The following PRKCA variants were observed in gnomAD, a reference collection of about 807,000 sequenced individuals.
PRKCA encodes the protein protein kinase C alpha type.
PRKCA carries 27 observed loss-of-function variants against 87.0 expected under a neutral mutation model. The ratio of observed to expected loss-of-function variants is 0.31; its 90% CI spans 0.23 to 0.43. The LOEUF is 0.43. PRKCA is among the 20% of genes least tolerant of loss of function. PRKCA has a pLI of 1.00. For missense variants in PRKCA, 518 were observed against 852.3 expected (o/e 0.61, Z 4.88); for synonymous variants, 329 against 311.1 (o/e 1.06, Z -0.61).
chr17:66,458,442 G>A (rs886194963), intron 2 of PRKCA, among the ~76,000 whole-genome samples: 1 of 151,842 alleles, frequency 6.6e-6, no homozygotes, highest in African/African-American at 2.4e-5. Context: ...AGGGTGCCTT[G>A]AAGATCCTTT....
intron 3 of PRKCA, among the ~76,000 whole-genome samples, chr17:66,546,851 C>T (rs561859678): frequency 1.3e-5 from 2 of 152,260 alleles, no homozygotes; most frequent in South Asian, 2.1e-4. Context: ...TAATGTAAAT[C>T]TTTAATCAAT....
chr17:66,676,209 G>C (rs865856888), intron 5 of PRKCA, among the ~76,000 whole-genome samples: 2 of 152,174 alleles, frequency 1.3e-5, no homozygotes, highest in Non-Finnish European at 2.9e-5. Flanking sequence ...AGAACAGCGT[G>C]TTCTTCCCAG....
Position 66,804,188 on chromosome 17 carries a change from C to G in PRKCA, c.*151C>G, listed in dbSNP as rs755225462. 5.6e-6 allele frequency: 6 copies of G among 1,063,536 alleles called. No individual in the cohort carries two copies. Among genetic ancestry groups the G allele is most frequent in the Non-Finnish European group, 6.5e-6 (5 of 764,478 alleles). The allele number at this position is 1,063,536 out of a possible 1,614,324, so 65.9% of individuals were successfully genotyped here. ...GTAGGGTTATTAGTCCAAATGTGAT[C>G]AACTGTTCAGGGTCTCTCTCTTACA... On this transcript the variant is annotated 3_prime_UTR_variant, in exon 17 of 17. Coordinates refer to ENST00000413366, the MANE Select transcript of PRKCA (RefSeq NM_002737.3).
chr17:66,319,944 A>G (rs892526559), intron 2 of PRKCA, among the ~76,000 whole-genome samples: 4 of 152,106 alleles, frequency 2.6e-5, no homozygotes, highest in African/African-American at 9.7e-5. Flanking sequence ...GGGTTTCGCC[A>G]TGTTGGCCAG....
intron 2 of PRKCA, among the ~76,000 whole-genome samples, chr17:66,410,007 G>A (rs1037435210): frequency 3.9e-5 from 6 of 152,326 alleles, no homozygotes; most frequent in African/African-American, 1.2e-4. Flanking sequence ...TCACTCGTTC[G>A]TTTGTGTGTT....
At chr17:66,349,703 C>T (rs1189966900) in intron 2 of PRKCA, among the ~76,000 whole-genome samples, 1 of 152,144 alleles carries the variant, frequency 6.6e-6, no homozygotes, top group East Asian at 1.9e-4. Flanking sequence ...TGACTGCGCA[C>T]AAACACAAAA....
intron 3 of PRKCA, among the ~76,000 whole-genome samples, chr17:66,596,436 A>G (rs1598803466): frequency 6.6e-6 from 1 of 151,934 alleles, no homozygotes; most frequent in East Asian, 1.9e-4. Flanking sequence ...TCCCCATCCC[A>G]GTGACATTAC....
chr17:66,445,391 AGTCCAAGCATTGGAG>A (rs1913980723), intron 2 of PRKCA, among the ~76,000 whole-genome samples: 1 of 152,338 alleles, frequency 6.6e-6, no homozygotes, highest in East Asian at 1.9e-4. Context: ...GACACTGGAG[AGTCCAAGCATTGGAG>A]GCCAGAGGCC....
chr17:66,312,002 A>G (rs1174160273), intron 2 of PRKCA, among the ~76,000 whole-genome samples: 1 of 152,048 alleles, frequency 6.6e-6, no homozygotes, highest in Non-Finnish European at 1.5e-5. Context: ...TTTTTTTGAG[A>G]TGGAGTCTCG....
At chr17:66,406,585 G>GTTTTTTTTTT (rs71160568) in intron 2 of PRKCA, among the ~76,000 whole-genome samples, 2,589 of 70,028 alleles carry the variant, frequency 0.037, 392 homozygotes, top group Admixed American at 0.054. Flanking sequence ...GCTTTTCCAG[G>GTTTTTTTTTT]TTTTTTTTTT....
At position 66,387,945 on chromosome 17, in the gene PRKCA, C is replaced by A. The variant is rs995700367; in HGVS notation, c.205+81818C>A. 1.4e-4 allele frequency among the ~76,000 whole-genome samples: 22 copies of A among 152,358 alleles called. No homozygotes were observed. The East Asian group carries it at 4.2e-3, about 29-fold the overall frequency. ...TAACTATGCTGTCCCCGGGTCCATT[C>A]CCAACTGTTCCTATTCAAGATGTCT... On this transcript the variant is annotated intron_variant, in intron 2 of 16. Coordinates refer to ENST00000413366, the MANE Select transcript of PRKCA (RefSeq NM_002737.3).
chr17:66,682,729 T>TG (rs1972524901), intron 5 of PRKCA, among the ~76,000 whole-genome samples: 1 of 152,126 alleles, frequency 6.6e-6, no homozygotes, highest in Admixed American at 6.5e-5. Context: ...TTGTTGTTGT[T>TG]TCCTTATCTT....
chr17:66,745,031 C>T (rs1016026962), intron 13 of PRKCA, among the ~76,000 whole-genome samples: 1 of 152,232 alleles, frequency 6.6e-6, no homozygotes, highest in African/African-American at 2.4e-5. Context: ...AATCCAGGAT[C>T]ATCTCCCTAG....
intron 5 of PRKCA, among the ~76,000 whole-genome samples, chr17:66,661,759 C>T (rs893364477): frequency 2.0e-5 from 3 of 152,134 alleles, no homozygotes; most frequent in African/African-American, 4.8e-5. Context: ...TGGTGGTACC[C>T]GCAGGAAGCA....
intron 14 of PRKCA, 110 bp downstream of exon 14, chr17:66,774,177 G>A: frequency 1.0e-5 from 16 of 1,582,860 alleles, no homozygotes; most frequent in Middle Eastern, 1.7e-4. Flanking sequence ...GCTGGTGTTG[G>A]CGTGACTTCC....
chr17:66,525,230 A>G (rs933631224), intron 3 of PRKCA, among the ~76,000 whole-genome samples: 3 of 152,172 alleles, frequency 2.0e-5, no homozygotes, highest in Non-Finnish European at 4.4e-5. Context: ...AACCAGCACC[A>G]TTGAGTTAGG....
Position 66,784,105 on chromosome 17 carries a change from G to T in PRKCA, c.1606-2762G>T, listed in dbSNP as rs117742803. Among the ~76,000 whole-genome samples, 123 of 152,322 alleles carry T rather than the reference G, an allele frequency of 8.1e-4. 2 individuals are homozygous for T. In the East Asian group the frequency reaches 0.021, roughly 26 times the overall value. The stretch of plus-strand genomic sequence containing the variant: ...CACAGGCCCTCTTGGGCCATGTGGT[G>T]AGGTGCCAGTCAGTGACCTGGAAGC... On this transcript the variant is annotated intron_variant, in intron 14 of 16. Transcript: ENST00000413366.
chr17:66,582,931 TCTGGTGGAACCCCAGCCC>T (rs1250465736), intron 3 of PRKCA, among the ~76,000 whole-genome samples: 1 of 152,150 alleles, frequency 6.6e-6, no homozygotes, highest in Non-Finnish European at 1.5e-5. Flanking sequence ...GGCCAGATAG[TCTGGTGGAACCCCAGCCC>T]CTGCCATTGA....
chr17:66,502,074 C>T (rs2144133211), intron 3 of PRKCA, among the ~76,000 whole-genome samples: 1 of 152,252 alleles, frequency 6.6e-6, no homozygotes, highest in East Asian at 1.9e-4. Context: ...GCTCCCTGTT[C>T]TTAGAAGAGT....
Sources: gnomAD v4.1 joint callset for allele counts (sites outside exome capture counted in the v4.1 genomes callset) on GRCh38, gnomAD v4.1.1 for gene constraint, MANE v1.5 for transcripts, NCBI Gene and HGNC (gene_info 2026-07-23, HGNC 2026-07-21) for gene names.